Variants in PNOC observed in about 807,000 individuals in gnomAD.
PNOC encodes nociceptin.
PNOC carries 10 observed loss-of-function variants against 15.6 expected under a neutral mutation model. That is an observed-to-expected ratio of 0.64 (90% confidence interval 0.40 to 1.09). The LOEUF is 1.09. PNOC is among the 50% of genes least tolerant of loss of function. PNOC has a pLI of 0.01. For synonymous variants in PNOC, 98 were observed against 88.5 expected, an observed-to-expected ratio of 1.11 and a Z score of -0.60; for missense variants, 220 against 223.9, an observed-to-expected ratio of 0.98 and a Z score of 0.11.
intron 1 of PNOC, among the ~76,000 whole-genome samples, chr8:28,328,800 A>G (rs2614099): frequency 0.33 from 49,480 of 151,798 alleles, 9,931 homozygotes; most frequent in Non-Finnish European, 0.46. Flanking sequence ...CAAGAAAGCT[A>G]TCTCTGCCAC....
At chr8:28,320,990 T>A (rs867537610) in intron 1 of PNOC, among the ~76,000 whole-genome samples, 4 of 152,304 alleles carry the variant, frequency 2.6e-5, no homozygotes, top group Middle Eastern at 3.4e-3. Context: ...TTTTCTTTCT[T>A]TCTTTTTGAG....
intron 1 of PNOC, among the ~76,000 whole-genome samples, chr8:28,321,285 C>T (rs774980716): frequency 6.9e-6 from 1 of 144,306 alleles, no homozygotes; most frequent in Non-Finnish European, 1.5e-5. Context: ...TGGGCTCAAG[C>T]GTCCTAAGTT....
chr8:28,342,963 C>T lies in PNOC; in HGVS notation c.*69C>T. ...CCAGGCGTCCAGGTGATCCCCCAAA[C>T]AGCATGTGCTCAGCCCCAGACCTGC... On this transcript the variant is annotated 3_prime_UTR_variant, in exon 4 of 4. Coordinates refer to ENST00000301908, the MANE Select transcript of PNOC (RefSeq NM_006228.5). 1 of 985,396 alleles carries T rather than the reference C, an allele frequency of 1.0e-6. No individual in the cohort carries two copies. The highest frequency in any genetic ancestry group is 1.2e-6 in the Non-Finnish European group (1 of 829,860). 61.0% of individuals were successfully genotyped at this position (985,396 alleles called of 1,614,324 possible).
At chr8:28,330,009 C>T (rs1441202722) in intron 2 of PNOC, among the ~76,000 whole-genome samples, 3 of 152,104 alleles carry the variant, frequency 2.0e-5, no homozygotes, top group East Asian at 3.9e-4. Flanking sequence ...TGCAGTGGTG[C>T]GATCTCAGTT....
intron 2 of PNOC, among the ~76,000 whole-genome samples, chr8:28,336,142 A>G (rs991262992): frequency 5.9e-5 from 9 of 152,118 alleles, no homozygotes; most frequent in African/African-American, 2.2e-4. Flanking sequence ...CTCTTAGCTA[A>G]ATATAGAGTG....
intron 2 of PNOC, among the ~76,000 whole-genome samples, chr8:28,333,313 C>G (rs1801357985): frequency 6.6e-6 from 1 of 152,170 alleles, no homozygotes; most frequent in Non-Finnish European, 1.5e-5. Flanking sequence ...CCCATAAGCC[C>G]AGCTTTACAG....
intron 1 of PNOC, among the ~76,000 whole-genome samples, chr8:28,322,520 T>A (rs1034514558): frequency 6.6e-6 from 1 of 152,202 alleles, no homozygotes; most frequent in African/African-American, 2.4e-5. Flanking sequence ...CAGACATAAG[T>A]CCCAGCTCTG....
At chr8:28,334,083 CA>C (rs1801373438) in intron 2 of PNOC, among the ~76,000 whole-genome samples, 1 of 149,786 alleles carries the variant, frequency 6.7e-6, no homozygotes, top group African/African-American at 2.5e-5. Context: ...CACACACACA[CA>C]CACACCAGTT....
At chr8:28,338,999 T>C in intron 2 of PNOC, 41 bp from the exon 3 acceptor site, 2 of 1,506,532 alleles carry the variant, frequency 1.3e-6, no homozygotes, top group South Asian at 2.5e-5. Flanking sequence ...TTAACAGAGG[T>C]CCTTGTTCCT....
intron 2 of PNOC, among the ~76,000 whole-genome samples, chr8:28,330,412 T>TTTTTTTTTTTTA (rs1382350131): frequency 1.4e-5 from 2 of 143,594 alleles, no homozygotes; most frequent in African/African-American, 2.5e-5. Flanking sequence ...TTTTTTTTTT[T>TTTTTTTTTTTTA]GAGACGGAGT....
At chr8:28,331,080 G>A (rs529924809) in intron 2 of PNOC, among the ~76,000 whole-genome samples, 5 of 152,148 alleles carry the variant, frequency 3.3e-5, no homozygotes, top group Middle Eastern at 3.2e-3. Context: ...AACAGAGGAG[G>A]AGATAAAATC....
chr8:28,332,444 CTATT>C (rs1441832329), intron 2 of PNOC, among the ~76,000 whole-genome samples: 1 of 152,162 alleles, frequency 6.6e-6, no homozygotes, highest in Non-Finnish European at 1.5e-5. Flanking sequence ...TCCTAGTAGA[CTATT>C]TGAGTATGGC....
chr8:28,334,483 C>T (rs765386223), intron 2 of PNOC, among the ~76,000 whole-genome samples: 16 of 152,104 alleles, frequency 1.1e-4, no homozygotes, highest in Non-Finnish European at 2.4e-4. Flanking sequence ...AATTTGCATT[C>T]TAACAAACTC....
At position 28,339,064 on chromosome 8, in the gene PNOC, A is replaced by G; in HGVS notation, c.151A>G (p.Lys51Glu). The change falls in exon 3 of 4, where the codon AAG (lysine) becomes GAG (glutamate). Residue 51 changes from lysine to glutamate, a missense_variant. Physicochemically the swap from Lys to Glu is moderately conservative, Grantham distance 56 (BLOSUM62 1). Transcript: ENST00000301908. ...GGTGTGCATCCTCGAGTGTGAAGAGAAGGTCTTCCCCAGCCCCCTCTGGAC... is the reference window on the plus strand; with the variant it reads ...GGTGTGCATCCTCGAGTGTGAAGAGGAGGTCTTCCCCAGCCCCCTCTGGAC... ...LEVCILECEE[K>E]VFPSPLWTPC... 1 of 1,587,818 alleles carries G rather than the reference A, an allele frequency of 6.3e-7. No individual in the cohort carries two copies. The highest frequency in any genetic ancestry group is 1.1e-5 in the South Asian group (1 of 90,412).
At chr8:28,328,709 T>C (rs1365733967) in intron 1 of PNOC, among the ~76,000 whole-genome samples, 1 of 152,202 alleles carries the variant, frequency 6.6e-6, no homozygotes. Flanking sequence ...GTTCCCCTTT[T>C]ATGGGCTATG....
At chr8:28,324,092 A>T (rs191028869) in intron 1 of PNOC, among the ~76,000 whole-genome samples, 2 of 152,340 alleles carry the variant, frequency 1.3e-5, no homozygotes, top group East Asian at 3.9e-4. Context: ...CCTCTGACCC[A>T]CAGGGAGGTC....
At chr8:28,337,002 A>G (rs1801422113) in intron 2 of PNOC, among the ~76,000 whole-genome samples, 2 of 152,064 alleles carry the variant, frequency 1.3e-5, no homozygotes, top group South Asian at 4.1e-4. Flanking sequence ...TTCACCTGCT[A>G]GTAACAAACA....
intron 2 of PNOC, among the ~76,000 whole-genome samples, chr8:28,330,386 A>ATTTTTTTTTTTTTTTTT (rs1365236960): frequency 1.7e-5 from 1 of 59,790 alleles, no homozygotes; most frequent in African/African-American, 4.4e-5. Context: ...ATTTTATTTT[A>ATTTTTTTTTTTTTTTTT]TTTTATTTTA....
intron 3 of PNOC, among the ~76,000 whole-genome samples, chr8:28,341,853 A>AGTTCCAATATGGATATTTATG (rs1491260227): frequency 6.6e-6 from 1 of 152,122 alleles, no homozygotes; most frequent in Non-Finnish European, 1.5e-5. Context: ...GGATATTTAT[A>AGTTCCAATATGGATATTTATG]AGTCTATAAC....
Sources: allele counts gnomAD v4.1 joint callset (sites outside exome capture counted in the v4.1 genomes callset), GRCh38; gene constraint gnomAD v4.1.1; transcripts MANE v1.5; gene names NCBI Gene and HGNC (gene_info 2026-07-23, HGNC 2026-07-21).